The following MEI1 variants were observed in gnomAD, a reference collection of about 807,000 sequenced individuals.
MEI1 encodes the protein meiotic double-stranded break formation protein 1, also known as meiosis inhibitor protein 1.
Under a neutral mutation model 146.2 loss-of-function variants are expected in MEI1, and 103 were observed. The ratio of observed to expected loss-of-function variants is 0.70; its 90% CI spans 0.60 to 0.83. The LOEUF (loss-of-function observed/expected upper bound fraction) is 0.83, where lower values mean the gene tolerates loss of function less well. MEI1 is among the 40% of genes least tolerant of loss of function. The probability of loss-of-function intolerance (pLI) is 0.00; values close to 1 mark genes in which losing one functional copy is unlikely to be tolerated. For synonymous variants in MEI1, 652 were observed against 628.2 expected (o/e 1.04, Z -0.57); for missense variants, 1,529 against 1,533.0 (o/e 1.00, Z 0.04).
intron 2 of MEI1, 107 bp from the exon 3 acceptor site, chr22:41,705,397 C>A: frequency 1.1e-6 from 1 of 923,070 alleles, no homozygotes; most frequent in South Asian, 1.3e-5. Flanking sequence ...TTCTTGAATT[C>A]CTGACCTCAG....
At chr22:41,764,732 A>G (rs1217711074) in intron 19 of MEI1, among the ~76,000 whole-genome samples, 1 of 152,190 alleles carries the variant, frequency 6.6e-6, no homozygotes, top group Non-Finnish European at 1.5e-5. Flanking sequence ...CCAATAGCCT[A>G]ATTAACAATG....
At chr22:41,761,319 GT>G (rs369088821) in intron 18 of MEI1, among the ~76,000 whole-genome samples, 66,959 of 120,638 alleles carry the variant, frequency 0.56, 18,777 homozygotes, top group East Asian at 0.88. Flanking sequence ...TTTTTTTTTT[GT>G]TTTTTTTTTT....
intron 20 of MEI1, among the ~76,000 whole-genome samples, chr22:41,775,613 A>ATTT (rs2075399035): frequency 1.3e-4 from 16 of 127,500 alleles, no homozygotes; most frequent in South Asian, 7.2e-4. Context: ...TTTTTTTTTG[A>ATTT]GACAGAGTTT....
chr22:41,732,122 G>T, intron 9 of MEI1, 123 bp from the exon 10 acceptor site: 1 of 690,598 alleles, frequency 1.4e-6, no homozygotes, highest in Non-Finnish European at 2.4e-6. Context: ...ATCTTGTCAG[G>T]GTCCCTCCAC....
intron 11 of MEI1, among the ~76,000 whole-genome samples, chr22:41,736,669 A>G (rs533403168): frequency 6.6e-6 from 1 of 152,244 alleles, no homozygotes; most frequent in South Asian, 2.1e-4. Flanking sequence ...TACTGGGATT[A>G]CAGGCATGAG....
At chr22:41,708,118 T>C (rs2069241221) in intron 3 of MEI1, among the ~76,000 whole-genome samples, 1 of 152,266 alleles carries the variant, frequency 6.6e-6, no homozygotes, top group Admixed American at 6.5e-5. Context: ...TTAAATTCAA[T>C]CACAGTCCTA....
chr22:41,758,427 G>A lies in MEI1; in HGVS notation c.2014G>A (p.Glu672Lys), dbSNP rs766318492. 6.8e-6 allele frequency: 11 copies of A among 1,613,838 alleles called. No individual in the cohort carries two copies. Among genetic ancestry groups the A allele is most frequent in the Non-Finnish European group, 9.3e-6 (11 of 1,179,886 alleles). The change falls in exon 18 of 31, where the codon GAA becomes AAA. Residue 672 changes from glutamate to lysine, a missense_variant. Transcript: ENST00000401548. The part of the protein sequence containing the change: ...GLPQISSRSP[E>K]SLAFLSDRQY... ...GCCCCAGATAAGCAGCAGGAGCCCTGAAAGCCTTGCCTTCCTGTCTGATCG... is the reference window on the plus strand; with the variant it reads ...GCCCCAGATAAGCAGCAGGAGCCCTAAAAGCCTTGCCTTCCTGTCTGATCG...
intron 17 of MEI1, among the ~76,000 whole-genome samples, chr22:41,755,526 CTA>C (rs2074036282): frequency 6.6e-6 from 1 of 152,186 alleles, no homozygotes; most frequent in African/African-American, 2.4e-5. Flanking sequence ...TAGCCTAAGA[CTA>C]TTGGCAGTCA....
chr22:41,729,553 G>A, intron 7 of MEI1, 112 bp from the exon 8 acceptor site: 1 of 698,874 alleles, frequency 1.4e-6, no homozygotes, highest in Non-Finnish European at 2.5e-6. Flanking sequence ...GGTGCCATGT[G>A]GGACAGGAAG....
intron 7 of MEI1, among the ~76,000 whole-genome samples, chr22:41,724,371 G>A: frequency 6.6e-6 from 1 of 152,124 alleles, no homozygotes; most frequent in East Asian, 1.9e-4. Flanking sequence ...TGTAATCCCA[G>A]CGTTTTGGGA....
At position 41,781,837 on chromosome 22, in the gene MEI1, A is replaced by C. The variant is rs139003476; in HGVS notation, c.3079A>C (p.Ser1027Arg). 1.2e-6 allele frequency: 2 copies of C among 1,613,918 alleles called. No individual in the cohort carries two copies. The highest frequency in any genetic ancestry group is 4.5e-5 in the East Asian group (2 of 44,880). The stretch of plus-strand genomic sequence containing the variant: ...CTTCTCTGCCCAGCAGCACAAGGGC[A>C]GTTTGCAGGTTAGTCTTTAACTCCT... The part of the protein sequence containing the change: ...ASFSAQQHKG[S>R]LQVHQTLSVE... The change falls in exon 24 of 31, where the codon AGT (serine) becomes CGT (arginine). Residue 1027 changes from serine (S) to arginine (R), a missense_variant. Coordinates refer to ENST00000401548, the MANE Select transcript of MEI1 (RefSeq NM_152513.4).
rs1601683920 is a variant in MEI1, at chr22:41,714,158, T to C, written c.423+83T>C. The C allele has an allele frequency of 2.9e-6, 4 of 1,358,144 alleles. No homozygotes were observed. The East Asian group carries it at 7.5e-5, about 25-fold the overall frequency. The allele number at this position is 1,358,144 out of a possible 1,614,324, so 84.1% of individuals were successfully genotyped here. On this transcript the variant is annotated intron_variant, in intron 4 of 30. Coordinates refer to ENST00000401548, the MANE Select transcript of MEI1 (RefSeq NM_152513.4). ...GTCAACCCTTTGAACAAATGAGAGA[T>C]TGAAGTCCAGGGAGGAAAAGGAGCT...
At chr22:41,792,910 T>C (rs2076228587) in intron 26 of MEI1, among the ~76,000 whole-genome samples, 1 of 98,202 alleles carries the variant, frequency 1.0e-5, no homozygotes, top group South Asian at 4.2e-4. Context: ...TGAAAGATCC[T>C]GTTGCTTTAA....
intron 17 of MEI1, among the ~76,000 whole-genome samples, chr22:41,757,330 G>A (rs778022320): frequency 6.6e-6 from 1 of 151,968 alleles, no homozygotes; most frequent in Admixed American, 6.6e-5. Flanking sequence ...TCGTGACCTC[G>A]TGATCCGCCA....
At chr22:41,740,984 C>T (rs1020414364) in intron 11 of MEI1, among the ~76,000 whole-genome samples, 10 of 152,110 alleles carry the variant, frequency 6.6e-5, no homozygotes, top group East Asian at 1.9e-4. Flanking sequence ...GATCTTGGCT[C>T]GCTGCAACCT....
chr22:41,757,336 C>T (rs1456857413), intron 17 of MEI1, among the ~76,000 whole-genome samples: 2 of 151,630 alleles, frequency 1.3e-5, no homozygotes, highest in African/African-American at 2.4e-5. Context: ...CCTCGTGATC[C>T]GCCAGCCTCG....
chr22:41,748,135 C>G lies in MEI1; in HGVS notation c.1709C>G (p.Ala570Gly). Reference protein sequence around the residue: ...MRHLEQTTHPALMEVFLSILH... With the variant: ...MRHLEQTTHPGLMEVFLSILH... ...CACTTGGAGCAGACCACCCACCCAG[C>G]TTTGATGGAAGTTTTCCTCTCAATT... The change falls in exon 15 of 31, where the codon GCT (alanine) becomes GGT (glycine). Residue 570 changes from alanine (A) to glycine (G), a missense_variant. Physicochemically the swap from Ala to Gly is moderately conservative, Grantham distance 60. Around this residue, in one of 3 missense-constraint regions of MEI1, gnomAD observed 1,212 missense variants for 1,178.9 expected, o/e 1.03. Coordinates refer to ENST00000401548, the MANE Select transcript of MEI1 (RefSeq NM_152513.4). 6.2e-7 allele frequency: 1 copy of G among 1,613,924 alleles called. No individual in the cohort carries two copies. Among genetic ancestry groups the G allele is most frequent in the Non-Finnish European group, 8.5e-7 (1 of 1,179,830 alleles).
chr22:41,712,204 C>CAAAAAAAAAAAAAG (rs561773303), intron 3 of MEI1, among the ~76,000 whole-genome samples: 1 of 53,664 alleles, frequency 1.9e-5, no homozygotes, highest in African/African-American at 1.3e-4. Context: ...AACTCCGGCT[C>CAAAAAAAAAAAAAG]AAAAAAAAAA....
chr22:41,714,676 G>T (rs1390998166), intron 4 of MEI1, among the ~76,000 whole-genome samples: 1 of 150,918 alleles, frequency 6.6e-6, no homozygotes, highest in Admixed American at 6.6e-5. Flanking sequence ...TTCGAGATCA[G>T]CCTGGCCATT....
Sources: gnomAD v4.1 joint callset for allele counts (sites outside exome capture counted in the v4.1 genomes callset) on GRCh38, gnomAD v4.1.1 for gene constraint, gnomAD v4.1.1 regional missense constraint, MANE v1.5 for transcripts, NCBI Gene and HGNC (gene_info 2026-07-23, HGNC 2026-07-21) for gene names.